The following CNTNAP2 variants were observed in gnomAD, a reference collection of about 807,000 sequenced individuals.
CNTNAP2 encodes contactin associated protein 2.
Under a neutral mutation model 155.2 loss-of-function variants are expected in CNTNAP2, and 98 were observed. The observed-to-expected ratio is 0.63, with a 90% CI of 0.54 to 0.75. The LOEUF is 0.75. Ranked by LOEUF, CNTNAP2 falls within the 30% of genes least tolerant of loss-of-function variation. The pLI, the probability that CNTNAP2 is intolerant of heterozygous loss-of-function variation, is 0.00. For synonymous variants in CNTNAP2, 651 were observed against 631.2 expected, an observed-to-expected ratio of 1.03 and a Z score of -0.47; for missense variants, 1,727 against 1,688.1, an observed-to-expected ratio of 1.02 and a Z score of -0.40.
At chr7:147,684,911 T>G (rs992978470) in intron 13 of CNTNAP2, among the ~76,000 whole-genome samples, 4 of 152,002 alleles carry the variant, frequency 2.6e-5, no homozygotes, top group African/African-American at 9.7e-5. Flanking sequence ...AGCATTTGAA[T>G]TTGATGTTAA....
At position 148,411,784 on chromosome 7, in the gene CNTNAP2, GA is replaced by G. The variant is rs35153722; in HGVS notation, c.3796+2325del. Among the ~76,000 whole-genome samples, 645 of 145,132 alleles carry G rather than the reference GA, an allele frequency of 4.4e-3. 6 individuals are homozygous for G. Among genetic ancestry groups the G allele is most frequent in the African/African-American group, 0.015 (590 of 39,508 alleles). On this transcript the variant is annotated intron_variant, in intron 23 of 23. Transcript: ENST00000361727. The stretch of plus-strand genomic sequence containing the variant: ...TCTAGTCATTCCAAGACCATTTGTT[GA>G]AAAAAAAAAAACTATACTTTTCCTC...
intron 1 of CNTNAP2, among the ~76,000 whole-genome samples, chr7:146,474,712 T>C (rs1796849167): frequency 6.6e-6 from 1 of 152,242 alleles, no homozygotes. Context: ...ATGTTAATTG[T>C]ATTTTATTTA....
intron 20 of CNTNAP2, among the ~76,000 whole-genome samples, chr7:148,260,984 C>T (rs895503406): frequency 6.6e-6 from 1 of 152,172 alleles, no homozygotes; most frequent in Non-Finnish European, 1.5e-5. Context: ...TTAACAAGAG[C>T]TTTTTAACTG....
intron 1 of CNTNAP2, among the ~76,000 whole-genome samples, chr7:146,728,894 C>G (rs1801478166): frequency 6.6e-6 from 1 of 152,122 alleles, no homozygotes; most frequent in Non-Finnish European, 1.5e-5. Context: ...TCGTCGTTCT[C>G]AGTGGAAATA....
chr7:147,585,414 A>G (rs1046232243), intron 12 of CNTNAP2, among the ~76,000 whole-genome samples: 1 of 149,588 alleles, frequency 6.7e-6, no homozygotes, highest in African/African-American at 2.4e-5. Context: ...TTGATATAAA[A>G]TTATATATAA....
chr7:146,237,070 G>A (rs893475778), intron 1 of CNTNAP2, among the ~76,000 whole-genome samples: 4 of 152,132 alleles, frequency 2.6e-5, no homozygotes, highest in Non-Finnish European at 5.9e-5. Flanking sequence ...GCTAAAACAA[G>A]ACAGAGAAAG....
At chr7:146,350,069 A>G (rs1379017790) in intron 1 of CNTNAP2, among the ~76,000 whole-genome samples, 1 of 152,166 alleles carries the variant, frequency 6.6e-6, no homozygotes, top group Non-Finnish European at 1.5e-5. Context: ...AGTGTTTTCC[A>G]ACTTGATTCC....
intron 1 of CNTNAP2, among the ~76,000 whole-genome samples, chr7:146,524,568 T>C (rs1797660648): frequency 6.6e-6 from 1 of 152,162 alleles, no homozygotes. Flanking sequence ...TAACAGTTTA[T>C]GTTTCTCAAC....
intron 1 of CNTNAP2, among the ~76,000 whole-genome samples, chr7:146,533,605 C>T (rs898814973): frequency 6.6e-6 from 1 of 152,088 alleles, no homozygotes; most frequent in African/African-American, 2.4e-5. Context: ...GATTTGTGTT[C>T]ATGGTTCTTC....
intron 2 of CNTNAP2, among the ~76,000 whole-genome samples, chr7:146,792,986 A>G (rs1319651997): frequency 6.6e-6 from 1 of 152,186 alleles, no homozygotes; most frequent in Non-Finnish European, 1.5e-5. Context: ...CCTGCATGGA[A>G]AAAAACTAAA....
chr7:148,148,356 A>G (rs1399334444), intron 17 of CNTNAP2, among the ~76,000 whole-genome samples: 1 of 152,206 alleles, frequency 6.6e-6, no homozygotes, highest in Admixed American at 6.5e-5. Flanking sequence ...TGAACCTAAA[A>G]TTACTTCAAA....
intron 21 of CNTNAP2, among the ~76,000 whole-genome samples, chr7:148,379,017 C>A (rs1798996113): frequency 1.5e-5 from 1 of 67,046 alleles, no homozygotes; most frequent in South Asian, 4.1e-4. Flanking sequence ...ACAGTCTCTG[C>A]AGAGCAACCA....
intron 12 of CNTNAP2, among the ~76,000 whole-genome samples, chr7:147,610,306 T>TAAAAAAACCA (rs1801157981): frequency 3.3e-5 from 5 of 150,780 alleles, no homozygotes. Flanking sequence ...TGGTTTTTTT[T>TAAAAAAACCA]CTTTGTTTGT....
At chr7:147,068,355 A>ATTTG (rs547148845) in intron 4 of CNTNAP2, among the ~76,000 whole-genome samples, 2 of 151,976 alleles carry the variant, frequency 1.3e-5, no homozygotes, top group African/African-American at 4.8e-5. Flanking sequence ...TTATTTATTT[A>ATTTG]TTTGTTTGTT....
At chr7:146,709,739 G>T (rs2129174837) in intron 1 of CNTNAP2, among the ~76,000 whole-genome samples, 1 of 152,250 alleles carries the variant, frequency 6.6e-6, no homozygotes, top group Admixed American at 6.5e-5. Flanking sequence ...AGGCTGAGGA[G>T]GGCCAGACTG....
intron 3 of CNTNAP2, among the ~76,000 whole-genome samples, chr7:146,957,445 C>G (rs1797460353): frequency 6.6e-6 from 1 of 152,156 alleles, no homozygotes; most frequent in Admixed American, 6.5e-5. Context: ...CCATTTTAGT[C>G]TCCATTTCAC....
intron 20 of CNTNAP2, among the ~76,000 whole-genome samples, chr7:148,232,473 C>T (rs1234538509): frequency 6.6e-6 from 1 of 152,126 alleles, no homozygotes; most frequent in African/African-American, 2.4e-5. Context: ...GTTTGATTTC[C>T]TCTAGAGTTT....
intron 3 of CNTNAP2, among the ~76,000 whole-genome samples, chr7:146,858,702 TAATC>T (rs1562976053): frequency 6.6e-6 from 1 of 152,090 alleles, no homozygotes; most frequent in Non-Finnish European, 1.5e-5. Flanking sequence ...CTCAAAAAAT[TAATC>T]AATTAATGAA....
chr7:148,147,439 T>C, intron 16 of CNTNAP2, 52 bp from the exon 17 acceptor site: 1 of 1,544,010 alleles, frequency 6.5e-7, no homozygotes. Context: ...TTACTGCTAT[T>C]TGGTATCTGG....
Sources: gnomAD v4.1 joint callset for allele counts (sites outside exome capture counted in the v4.1 genomes callset) on GRCh38, gnomAD v4.1.1 for gene constraint, MANE v1.5 for transcripts, NCBI Gene and HGNC (gene_info 2026-07-23, HGNC 2026-07-21) for gene names.